The following SLC9A5 variants were observed in gnomAD, a reference collection of about 807,000 sequenced individuals.
SLC9A5 encodes solute carrier family 9 member A5.
In SLC9A5, 52 loss-of-function variants were observed where a neutral mutation model predicts 91.7. That is an observed-to-expected ratio of 0.57 (90% CI 0.45 to 0.71). The LOEUF is 0.71. SLC9A5 is among the 30% of genes least tolerant of loss of function. The probability of loss-of-function intolerance (pLI) is 0.00; values close to 1 mark genes in which losing one functional copy is unlikely to be tolerated. For synonymous variants in SLC9A5, 419 were observed against 474.5 expected (o/e 0.88, Z 1.52); for missense variants, 871 against 1,158.9 (o/e 0.75, Z 3.61).
chr16:67,261,616 G>A (rs944810835), intron 12 of SLC9A5: 2 of 152,024 alleles, frequency 1.3e-5, no homozygotes, highest in Admixed American at 1.3e-4. Context: ...TCAAATCAGG[G>A]TCTAAATAAG....
chr16:67,250,583 C>G (rs2035078048), intron 1 of SLC9A5, among the ~76,000 whole-genome samples: 1 of 152,120 alleles, frequency 6.6e-6, no homozygotes, highest in South Asian at 2.1e-4. Context: ...GATGACATTT[C>G]CTATGGAAGT....
In SLC9A5 at chr16:67,257,336, T is replaced by C. The variant is rs1000355797; in HGVS notation, c.1336-9T>C. Reference sequence around the variant, plus strand: ...AATAGGGCAGGGCTCACCTCCTGCCTGTCCATAGGGCTTGACCATCAAGCC... The same window carrying C: ...AATAGGGCAGGGCTCACCTCCTGCCCGTCCATAGGGCTTGACCATCAAGCC... On this transcript the variant is annotated splice_polypyrimidine_tract_variant and intron_variant, in intron 7 of 15. Coordinates refer to ENST00000299798, the MANE Select transcript of SLC9A5 (RefSeq NM_004594.3). The surrounding 1 kb of genome is among the most constrained non-coding windows in gnomAD (Gnocchi z 5.1). 16 of 1,612,398 alleles carry C rather than the reference T, an allele frequency of 9.9e-6. No homozygotes were observed. In the Admixed American group the frequency reaches 2.3e-4, roughly 24 times the overall value.
chr16:67,264,149 G>A (rs138998398), intron 12 of SLC9A5, among the ~76,000 whole-genome samples: 1 of 152,346 alleles, frequency 6.6e-6, no homozygotes, highest in Non-Finnish European at 1.5e-5. Flanking sequence ...TGGGATAAAG[G>A]GAAGCTTTTC....
rs768460590 is a variant in SLC9A5, at chr16:67,259,813, C to T, written c.1716-7C>T. The T allele has an allele frequency of 3.1e-6, 5 of 1,613,826 alleles. No homozygotes were observed. In the African/African-American group the frequency reaches 6.7e-5, roughly 22 times the overall value. ...TCTCCAGCACATGTGTCCCCTGCCTCCTGCAGGAGGGAGAGTGGCAGTGGA... is the reference window on the plus strand; with the variant it reads ...TCTCCAGCACATGTGTCCCCTGCCTTCTGCAGGAGGGAGAGTGGCAGTGGA... On this transcript the variant is annotated splice_region_variant and splice_polypyrimidine_tract_variant and intron_variant, in intron 11 of 15. Coordinates refer to ENST00000299798, the MANE Select transcript of SLC9A5 (RefSeq NM_004594.3).
chr16:67,253,463 C>T (rs2035204279), intron 2 of SLC9A5, among the ~76,000 whole-genome samples: 1 of 152,066 alleles, frequency 6.6e-6, no homozygotes, highest in Admixed American at 6.6e-5. Flanking sequence ...GAAATAGAAC[C>T]CCTTGCATTT....
In SLC9A5 at chr16:67,259,808, T is replaced by C; in HGVS notation, c.1716-12T>C. On this transcript the variant is annotated splice_polypyrimidine_tract_variant and intron_variant, in intron 11 of 15. Coordinates refer to ENST00000299798, the MANE Select transcript of SLC9A5 (RefSeq NM_004594.3). ...CCCCCTCTCCAGCACATGTGTCCCC[T>C]GCCTCCTGCAGGAGGGAGAGTGGCA... 1 of 1,613,808 alleles carries C rather than the reference T, an allele frequency of 6.2e-7. No homozygotes were observed. Among genetic ancestry groups the C allele is most frequent in the Non-Finnish European group, 8.5e-7 (1 of 1,179,764 alleles).
At chr16:67,266,685 C>T (rs1038611865) in intron 15 of SLC9A5, among the ~76,000 whole-genome samples, 10 of 151,832 alleles carry the variant, frequency 6.6e-5, no homozygotes, top group Admixed American at 4.6e-4. Context: ...GGATTACAGA[C>T]GTGCACCCCC....
In SLC9A5 at chr16:67,256,530, C is replaced by T. The variant is rs1028598636; in HGVS notation, c.973C>T (p.Arg325Cys). ...YVEANISHKS[R>C]TTVKYTMKTL... is the part of the protein sequence containing the mutation. The stretch of plus-strand genomic sequence containing the variant: ...GGAGGCCAACATCTCCCATAAGTCA[C>T]GCACAACTGTCAAATATACAATGAA... The change falls in exon 6 of 16, where the codon CGC becomes TGC. Residue 325 changes from arginine (R) to cysteine (C), a missense_variant. Arg to Cys is a radical substitution (Grantham distance 180). Coordinates refer to ENST00000299798, the MANE Select transcript of SLC9A5 (RefSeq NM_004594.3). The surrounding 1 kb of genome is among the most constrained non-coding windows in gnomAD (Gnocchi z 4.1). 9 of 1,613,772 alleles carry T rather than the reference C, an allele frequency of 5.6e-6. No individual in the cohort carries two copies. The highest frequency in any genetic ancestry group is 3.3e-5 in the South Asian group (3 of 91,086).
chr16:67,259,537 C>T (rs2035449353), intron 10 of SLC9A5, 36 bp from the exon 11 acceptor site: 3 of 1,522,342 alleles, frequency 2.0e-6, no homozygotes, highest in Non-Finnish European at 2.7e-6. Context: ...AACCCTCCAT[C>T]TGATTGCTGG....
At position 67,270,653 on chromosome 16, in the gene SLC9A5, C is replaced by A; in HGVS notation, c.2219-85C>A. On this transcript the variant is annotated intron_variant, in intron 15 of 15. Transcript: ENST00000299798. This position sits in a 1 kb window ranked among gnomAD's most constrained non-coding sequence, Gnocchi z 4.3. ...CGCAAAAATGGACGGCATATGGAAA[C>A]TGTGGCATGAATTTATAAGAATGTG... 1.0e-6 allele frequency: 1 copy of A among 998,906 alleles called. No individual in the cohort carries two copies. The highest frequency in any genetic ancestry group is 1.5e-6 in the Non-Finnish European group (1 of 687,736). 61.9% of individuals were successfully genotyped at this position (998,906 alleles called of 1,614,324 possible). A position where few individuals can be genotyped will look rare whatever the true frequency, so the allele number is the denominator to read the frequency against.
Position 67,255,963 on chromosome 16 carries a change from G to T in SLC9A5, c.911+33G>T, listed in dbSNP as rs750101663. 2 of 1,603,174 alleles carry T rather than the reference G, an allele frequency of 1.2e-6. No homozygotes were observed. The highest frequency in any genetic ancestry group is 2.2e-5 in the South Asian group (2 of 89,722). On this transcript the variant is annotated intron_variant, in intron 5 of 15. Coordinates refer to ENST00000299798, the MANE Select transcript of SLC9A5 (RefSeq NM_004594.3). This position sits in a 1 kb window ranked among gnomAD's most constrained non-coding sequence, Gnocchi z 4.9. ...CTGGGGGCCTTGCAGGCAGATAGCTGGGAGGGGGCACTGGAGATGGTTGCC... is the reference window on the plus strand; with the variant it reads ...CTGGGGGCCTTGCAGGCAGATAGCTTGGAGGGGGCACTGGAGATGGTTGCC...
chr16:67,268,663 T>TATAC (rs1256493634), intron 15 of SLC9A5, among the ~76,000 whole-genome samples: 1 of 21,282 alleles, frequency 4.7e-5, no homozygotes, highest in African/African-American at 3.0e-4. Context: ...CCTGATTATA[T>TATAC]ATATATATAT....
chr16:67,259,488 C>A, intron 10 of SLC9A5, 85 bp from the exon 11 acceptor site: 2 of 936,090 alleles, frequency 2.1e-6, no homozygotes, highest in South Asian at 2.7e-5. Flanking sequence ...ACTAAGTGTT[C>A]GTTATTATTA....
chr16:67,265,621 C>T (rs1258873411), intron 14 of SLC9A5, among the ~76,000 whole-genome samples: 1 of 152,172 alleles, frequency 6.6e-6, no homozygotes, highest in Non-Finnish European at 1.5e-5. Context: ...CAGGGTTTCG[C>T]ATTGTTGGCC....
Position 67,270,544 on chromosome 16 carries a change from C to T in SLC9A5, c.2219-194C>T, listed in dbSNP as rs949146568. On this transcript the variant is annotated intron_variant, in intron 15 of 15. Transcript: ENST00000299798. This position sits in a 1 kb window ranked among gnomAD's most constrained non-coding sequence, Gnocchi z 4.3. Reference sequence around the variant, plus strand: ...ATTTCTTGAGCAACTACTGTGTGCCCGGCCCTGTGCTAGGTGTTGGGGATA... The same window carrying T: ...ATTTCTTGAGCAACTACTGTGTGCCTGGCCCTGTGCTAGGTGTTGGGGATA... Among the ~76,000 whole-genome samples, 2 of 152,126 alleles carry T rather than the reference C, an allele frequency of 1.3e-5. No individual in the cohort carries two copies. Among genetic ancestry groups the T allele is most frequent in the African/African-American group, 2.4e-5 (1 of 41,404 alleles).
chr16:67,264,206 T>G, intron 12 of SLC9A5, 146 bp from the exon 13 acceptor site: 1 of 674,092 alleles, frequency 1.5e-6, no homozygotes, highest in South Asian at 2.0e-5. Flanking sequence ...CCTGTTGTAT[T>G]TTTTGTTTTG....
At position 67,255,295 on chromosome 16, in the gene SLC9A5, T is replaced by C; in HGVS notation, c.655-98T>C. 1 of 1,520,438 alleles carries C rather than the reference T, an allele frequency of 6.6e-7. No individual in the cohort carries two copies. The highest frequency in any genetic ancestry group is 9.0e-7 in the Non-Finnish European group (1 of 1,107,742). The allele number at this position is 1,520,438 out of a possible 1,614,324, so 94.2% of individuals were successfully genotyped here. On this transcript the variant is annotated intron_variant, in intron 3 of 15. Coordinates refer to ENST00000299798, the MANE Select transcript of SLC9A5 (RefSeq NM_004594.3). This position sits in a 1 kb window ranked among gnomAD's most constrained non-coding sequence, Gnocchi z 4.9. The stretch of plus-strand genomic sequence containing the variant: ...CCTTGGGTCCCCTGGGGCAGAAATA[T>C]GCTGTCTGCTTTCACCCTGCTCTCC...
At chr16:67,261,633 C>T (rs1181577191) in intron 12 of SLC9A5, 1 of 152,220 alleles carries the variant, frequency 6.6e-6, no homozygotes, top group Non-Finnish European at 1.5e-5. Context: ...TAAGTCCACA[C>T]TTAGCATTTG....
rs371141585 is a variant in SLC9A5 at position 67,252,091 on chromosome 16, G to A, written c.188-451G>A. ...AACAGATGACTTTGACTGCAGGGGA[G>A]GGTTTGTAGCCCTGGAGATTGGAAA... On this transcript the variant is annotated intron_variant, in intron 1 of 15. Coordinates refer to ENST00000299798, the MANE Select transcript of SLC9A5 (RefSeq NM_004594.3). This position sits in a 1 kb window ranked among gnomAD's most constrained non-coding sequence, Gnocchi z 4.0. Among the ~76,000 whole-genome samples, 2 of 152,276 alleles carry A rather than the reference G, an allele frequency of 1.3e-5. No homozygotes were observed. Among genetic ancestry groups the A allele is most frequent in the East Asian group, 3.9e-4 (2 of 5,182 alleles).
Sources: gnomAD v4.1 joint callset for allele counts (sites outside exome capture counted in the v4.1 genomes callset) on GRCh38, gnomAD v4.1.1 for gene constraint, Gnocchi (gnomAD v3.1) non-coding constraint, MANE v1.5 for transcripts, NCBI Gene and HGNC (gene_info 2026-07-23, HGNC 2026-07-21) for gene names.